ERCC2: variants seen among roughly 807,000 people sequenced by gnomAD.
ERCC2 encodes the protein ERCC excision repair 2, TFIIH core complex helicase subunit.
ERCC2 carries 90 observed loss-of-function variants against 99.4 expected under a neutral mutation model. That is an observed-to-expected ratio of 0.91 (90% CI 0.76 to 1.08). The LOEUF (loss-of-function observed/expected upper bound fraction) is 1.08. Among genes scored for constraint, ERCC2 ranks in the 50% least tolerant of loss-of-function variants. The probability of loss-of-function intolerance (pLI) is 0.00; values close to 1 mark genes in which losing one functional copy is unlikely to be tolerated. For synonymous variants in ERCC2, 497 were observed against 432.4 expected (o/e 1.15, Z -1.85); for missense variants, 993 against 1,038.1 (o/e 0.96, Z 0.60).
In ERCC2 at chr19:45,352,751, G is replaced by T; in HGVS notation, c.1897C>A (p.Leu633Ile). The T allele has an allele frequency of 6.2e-7, 1 of 1,614,026 alleles. No individual in the cohort carries two copies. The highest frequency in any genetic ancestry group is 8.5e-7 in the Non-Finnish European group (1 of 1,179,946). The change falls in exon 20 of 23, where the codon CTC (leucine) becomes ATC (isoleucine). Residue 633 changes from leucine (L) to isoleucine (I), a missense_variant. By Grantham distance (5) the Leu-to-Ile change is conservative (BLOSUM62 2). Transcript: ENST00000391945. ...TGGGAGACAGAGCTACTCACCTTGA[G>T]AATGCGGCTCTGTGTGTAGACGTAG... ...VPYVYTQSRILKARLEYLRDQ... is the reference protein window; with the variant it reads ...VPYVYTQSRIIKARLEYLRDQ...
chr19:45,360,562 G>A (rs60965744), intron 12 of ERCC2, among the ~76,000 whole-genome samples: 95,153 of 151,466 alleles, frequency 0.63, 31,528 homozygotes, highest in African/African-American at 0.86. Flanking sequence ...ATTTTTAGTA[G>A]AGACAGGGTT....
rs1568527796 is a variant in ERCC2 at position 45,350,674 on chromosome 19, CGTGAGTCT to C, written c.*947_*954del. On this transcript the variant is annotated 3_prime_UTR_variant, in exon 23 of 23. Transcript: ENST00000391945. ...CCGCAGCAGCTCACTCTCCAAGATC[CGTGAGTCT>C]ATCAGGCGAGGAAGTGAGAAGCTGG... 2 of 1,613,784 alleles carry C rather than the reference CGTGAGTCT, an allele frequency of 1.2e-6. No individual in the cohort carries two copies. The highest frequency in any genetic ancestry group is 8.5e-7 in the Non-Finnish European group (1 of 1,179,940).
Position 45,350,497 on chromosome 19 carries a change from C to T in ERCC2, c.*1132G>A. 1.2e-6 allele frequency: 2 copies of T among 1,613,856 alleles called. No individual in the cohort carries two copies. Among genetic ancestry groups the T allele is most frequent in the South Asian group, 1.1e-5 (1 of 91,050 alleles). On this transcript the variant is annotated 3_prime_UTR_variant, in exon 23 of 23. Transcript: ENST00000391945. ...TCTCTATGTCCCCATCTCAGTGTCC[C>T]CCATCTTTCCCCCTAGGTGCCCCCA...
chr19:45,364,604 C>T (rs1972358920), intron 7 of ERCC2, 57 bp from the exon 8 acceptor site: 8 of 1,603,968 alleles, frequency 5.0e-6, no homozygotes, highest in Admixed American at 3.4e-5. Context: ...CCTACCCCTA[C>T]CCCTGGCCAC....
chr19:45,354,792 T>C lies in ERCC2; in HGVS notation c.1603A>G (p.Ile535Val). Reference sequence around the variant, plus strand: ...TGGTAGCTGGTGAAGAAGGCCACGATGCCATCAGGGACCACAGCGGACATC... The same window carrying C: ...TGGTAGCTGGTGAAGAAGGCCACGACGCCATCAGGGACCACAGCGGACATC... ...LEMSAVVPDG[I>V]VAFFTSYQYM... The change falls in exon 17 of 23, where the codon ATC becomes GTC. Residue 535 changes from isoleucine to valine, a missense_variant. By Grantham distance (29) the Ile-to-Val change is conservative. Around this residue, in one of 3 missense-constraint regions of ERCC2, gnomAD observed 909 missense variants for 930.8 expected, o/e 0.98. Coordinates refer to ENST00000391945, the MANE Select transcript of ERCC2 (RefSeq NM_000400.4). The C allele has an allele frequency of 6.2e-7, 1 of 1,614,134 alleles. No homozygotes were observed. Among genetic ancestry groups the C allele is most frequent in the South Asian group, 1.1e-5 (1 of 91,076 alleles).
At position 45,352,243 on chromosome 19, in the gene ERCC2, T is replaced by G; in HGVS notation, c.2156A>C (p.Tyr719Ser). The G allele has an allele frequency of 1.2e-6, 2 of 1,613,972 alleles. No homozygotes were observed. The highest frequency in any genetic ancestry group is 1.7e-6 in the Non-Finnish European group (2 of 1,179,958). ...TVDEGVQVAK[Y>S]FLRQMAQPFH... ...GGGCTGTGCCATCTGCCGCAGGAAG[T>G]ACTTGGCCACCTGGACACCCTCGTC... Residue 719 changes from tyrosine (Y) to serine (S), a missense_variant, in exon 22 of 23, where the codon TAC (tyrosine) becomes TCC (serine). By Grantham distance (144) the Tyr-to-Ser change is moderately radical (BLOSUM62 -2). Coordinates refer to ENST00000391945, the MANE Select transcript of ERCC2 (RefSeq NM_000400.4).
rs1360631927 is a variant in ERCC2, at chr19:45,369,114, C to T, written c.139G>A (p.Gly47Arg). The T allele has an allele frequency of 6.2e-6, 10 of 1,614,022 alleles. No homozygotes were observed. The highest frequency in any genetic ancestry group is 4.5e-5 in the East Asian group (2 of 44,892). ...AGGGCCAACAGGGATACTGTCTTCC[C>T]GGTGCCTGAGGGCATCTCCAGGACT... ...HGVLEMPSGTGKTVSLLALIM... is the reference protein window; with the variant it reads ...HGVLEMPSGTRKTVSLLALIM... The change falls in exon 3 of 23, where the codon GGG becomes AGG. Residue 47 changes from glycine (G) to arginine (R), a missense_variant. Physicochemically the swap from Gly to Arg is moderately radical, Grantham distance 125 (BLOSUM62 -2). Around this residue, in one of 3 missense-constraint regions of ERCC2, gnomAD observed 29 missense variants for 62.1 expected, o/e 0.47. Transcript: ENST00000391945.
rs984623535 is a variant in ERCC2 at position 45,353,287 on chromosome 19, G to C, written c.1713C>G (p.Thr571=). ...CGACACTGGTTTCGGCACCATCCTG[G>C]GTCTCAATAAAGAGCAGCTTGTTCC... ...IQRNKLLFIE[T]QDGAETSVAL... Residue 571 remains threonine (T), a synonymous_variant, in exon 18 of 23, where the codon ACC becomes ACG. Transcript: ENST00000391945. 6.2e-7 allele frequency: 1 copy of C among 1,613,972 alleles called. No homozygotes were observed. Among genetic ancestry groups the C allele is most frequent in the Admixed American group, 1.7e-5 (1 of 59,996 alleles).
intron 11 of ERCC2, among the ~76,000 whole-genome samples, chr19:45,363,282 G>C (rs957377796): frequency 1.3e-5 from 2 of 152,076 alleles, no homozygotes; most frequent in Non-Finnish European, 2.9e-5. Flanking sequence ...AGATACATGG[G>C]CCGGGGACAC....
chr19:45,365,057 G>C lies in ERCC2; in HGVS notation c.462C>G (p.His154Gln), dbSNP rs139263710. The C allele has an allele frequency of 4.2e-5, 67 of 1,613,882 alleles. No individual in the cohort carries two copies. In the African/African-American group the frequency reaches 8.0e-4, roughly 19 times the overall value. Residue 154 changes from histidine (H) to glutamine (Q), a missense_variant, in exon 6 of 23, where the codon CAC (histidine) becomes CAG (glutamine). His to Gln is a conservative substitution (Grantham distance 24, BLOSUM62 0). This residue lies in a region of ERCC2 where 909 missense variants were observed against 930.8 expected (regional missense o/e 0.98). Transcript: ENST00000391945. ...CTCCAGTAACCTCATAGAATCGGCA[G>C]TGGGGCAGGCTGGTGTCATGCTGGT... ...AQYQHDTSLP[H>Q]CRFYEEFDAH...
chr19:45,365,516 C>A (rs1439312595), intron 5 of ERCC2, among the ~76,000 whole-genome samples: 1 of 152,190 alleles, frequency 6.6e-6, no homozygotes, highest in Non-Finnish European at 1.5e-5. Flanking sequence ...GAGGCTGAGG[C>A]AGGAGAATCG....
At chr19:45,370,401 C>T in intron 1 of ERCC2, 135 bp downstream of exon 1, 1 of 1,506,656 alleles carries the variant, frequency 6.6e-7, no homozygotes, top group Non-Finnish European at 8.9e-7. Flanking sequence ...ATCACTGCTG[C>T]TCCCTGCGGC....
chr19:45,353,129 G>A lies in ERCC2; in HGVS notation c.1785C>T (p.Ile595=). Residue 595 remains isoleucine (I), a synonymous_variant, in exon 19 of 23, where the codon ATC becomes ATT. Coordinates refer to ENST00000391945, the MANE Select transcript of ERCC2 (RefSeq NM_000400.4). ...CTTTGCCCCGGGCCACTGACAGCAG[G>A]ATGGCCCCGCGGCCATTCTCGCAGG... ...QEACENGRGA[I]LLSVARGKVS... is the part of the protein sequence containing the mutation. 6.2e-7 allele frequency: 1 copy of A among 1,613,658 alleles called. No homozygotes were observed. Among genetic ancestry groups the A allele is most frequent in the Non-Finnish European group, 8.5e-7 (1 of 1,179,894 alleles).
Position 45,353,171 on chromosome 19 carries a change from C to G in ERCC2, c.1759-16G>C, listed in dbSNP as rs200309890. On this transcript the variant is annotated splice_polypyrimidine_tract_variant and intron_variant, in intron 18 of 22. Transcript: ENST00000391945. The stretch of plus-strand genomic sequence containing the variant: ...TCTCGCAGGCCTGAGGTGGGGAGAC[C>G]GAGACGCAAGTTAGGTCACTCCTCA... The G allele has an allele frequency of 2.2e-5, 35 of 1,613,818 alleles. No homozygotes were observed. The highest frequency in any genetic ancestry group is 1.1e-4 in the South Asian group (10 of 91,060).
In ERCC2 at chr19:45,370,548, G is replaced by T; in HGVS notation, c.-8C>A. 6.3e-7 allele frequency: 1 copy of T among 1,593,064 alleles called. No homozygotes were observed. On this transcript the variant is annotated 5_prime_UTR_variant, in exon 1 of 23. Transcript: ENST00000391945. ...GCCCCCTTCTCACTTCATGGCGCCG[G>T]CCGGACTGTGCAGCGGGGTCGACCC... is the stretch of plus-strand genomic sequence containing the variant.
At chr19:45,365,781 A>ACTCC (rs1252934952) in intron 5 of ERCC2, among the ~76,000 whole-genome samples, 3 of 99,468 alleles carry the variant, frequency 3.0e-5, no homozygotes, top group East Asian at 4.9e-4. Context: ...ACGGAGCCAG[A>ACTCC]CTCCCTCTCA....
At chr19:45,368,890 G>A (rs779370614) in intron 4 of ERCC2, 40 bp downstream of exon 4, 2 of 1,608,474 alleles carry the variant, frequency 1.2e-6, no homozygotes, top group South Asian at 1.1e-5. Flanking sequence ...AGGGCCTAGG[G>A]AACAGTGGGG....
chr19:45,364,239 G>C lies in ERCC2; in HGVS notation c.811C>G (p.Leu271Val). 6.2e-7 allele frequency: 1 copy of C among 1,613,650 alleles called. No homozygotes were observed. The highest frequency in any genetic ancestry group is 8.5e-7 in the Non-Finnish European group (1 of 1,179,914). Residue 271 changes from leucine (L) to valine (V), a missense_variant, in exon 9 of 23, where the codon CTC becomes GTC. By Grantham distance (32) the Leu-to-Val change is conservative (BLOSUM62 1). This residue lies in a region of ERCC2 where 909 missense variants were observed against 930.8 expected (regional missense o/e 0.98). Coordinates refer to ENST00000391945, the MANE Select transcript of ERCC2 (RefSeq NM_000400.4). ...GNLETLQKTV[L>V]RIKETDEQRL... is the part of the protein sequence containing the mutation. ...GCCAGACGTCCCCGGCCCCACCTGA[G>C]CACCGTCTTCTGCAGGGTCTCCAGG...
At chr19:45,365,267 T>G in intron 5 of ERCC2, 109 bp from the exon 6 acceptor site, 1 of 807,634 alleles carries the variant, frequency 1.2e-6, no homozygotes, top group Admixed American at 1.9e-5. Context: ...AACTTGAACC[T>G]CAGTCTGTTG....
Sources: allele counts gnomAD v4.1 joint callset (sites outside exome capture counted in the v4.1 genomes callset), GRCh38; gene constraint gnomAD v4.1.1; regional missense constraint gnomAD v4.1.1; transcripts MANE v1.5; gene names NCBI Gene and HGNC (gene_info 2026-07-23, HGNC 2026-07-21).